Variants in OSBPL6 observed in about 807,000 individuals in gnomAD.
OSBPL6 encodes the protein oxysterol binding protein like 6.
A neutral mutation model predicts 125.8 loss-of-function variants in OSBPL6; 49 were observed. That is an observed-to-expected ratio of 0.39 (90% confidence interval 0.31 to 0.49). OSBPL6 has a LOEUF of 0.49. Ranked by LOEUF, OSBPL6 falls within the 20% of genes least tolerant of loss-of-function variation. The pLI is 0.88. For synonymous variants in OSBPL6, 394 were observed against 391.8 expected (o/e 1.01, Z -0.07); for missense variants, 986 against 1,135.4 (o/e 0.87, Z 1.89).
At chr2:178,346,060 G>A (rs1690682101) in intron 11 of OSBPL6, among the ~76,000 whole-genome samples, 1 of 151,736 alleles carries the variant, frequency 6.6e-6, no homozygotes, top group African/African-American at 2.4e-5. Context: ...ATAACTAGGG[G>A]GACTGGCTAC....
intron 3 of OSBPL6, among the ~76,000 whole-genome samples, chr2:178,311,561 C>T (rs1244248089): frequency 4.6e-5 from 7 of 152,152 alleles, no homozygotes; most frequent in Non-Finnish European, 7.3e-5. Flanking sequence ...CCTTGTACAG[C>T]GCCTCACATT....
In OSBPL6 at chr2:178,374,026, A is replaced by G. The variant is rs923515260; in HGVS notation, c.1532A>G (p.Glu511Gly). 6 of 1,613,782 alleles carry G rather than the reference A, an allele frequency of 3.7e-6. No individual in the cohort carries two copies. In the African/African-American group the frequency reaches 8.0e-5, roughly 22 times the overall value. Reference sequence around the variant, plus strand: ...CTCTCTGCAAGTTCGTCAGAGAATGAGGTATGTATGCCTCCTTGACTTGTT... The same window carrying G: ...CTCTCTGCAAGTTCGTCAGAGAATGGGGTATGTATGCCTCCTTGACTTGTT... ...VLLSASSSENEASDDESYISD... is the reference protein window; with the variant it reads ...VLLSASSSENGASDDESYISD... Residue 511 changes from glutamate (E) to glycine (G), a missense_variant and splice_region_variant, in exon 15 of 25, where the codon GAG (glutamate) becomes GGG (glycine). Transcript: ENST00000190611.
chr2:178,307,376 A>G (rs2154059963), intron 3 of OSBPL6, among the ~76,000 whole-genome samples: 1 of 152,284 alleles, frequency 6.6e-6, no homozygotes, highest in South Asian at 2.1e-4. Flanking sequence ...GTAAGAATCC[A>G]GGGGTGCTAA....
intron 12 of OSBPL6, among the ~76,000 whole-genome samples, chr2:178,350,641 C>T (rs1250005397): frequency 1.3e-5 from 2 of 152,206 alleles, no homozygotes; most frequent in African/African-American, 4.8e-5. Context: ...TCTCTCTTAC[C>T]TGCCATTTTA....
intron 24 of OSBPL6, among the ~76,000 whole-genome samples, chr2:178,394,707 GGTGGAAACTGGTTCC>G (rs1222214639): frequency 1.3e-5 from 2 of 152,060 alleles, no homozygotes; most frequent in Non-Finnish European, 2.9e-5. Flanking sequence ...TCTTTAGAAT[GGTGGAAACTGGTTCC>G]CACTCCCTTA....
At chr2:178,395,365 G>T in intron 24 of OSBPL6, 86 bp from the exon 25 acceptor site, 1 of 882,632 alleles carries the variant, frequency 1.1e-6, no homozygotes, top group Non-Finnish European at 1.8e-6. Context: ...CTGCTTATAT[G>T]TCCATGTCTA....
At chr2:178,310,480 C>T (rs10170717) in intron 3 of OSBPL6, among the ~76,000 whole-genome samples, 2,894 of 139,544 alleles carry the variant, frequency 0.021, 95 homozygotes, top group African/African-American at 0.074. Context: ...TGCAGTGGCG[C>T]GATCTCGGCT....
chr2:178,204,024 T>TC (rs1267120124), intron 1 of OSBPL6, among the ~76,000 whole-genome samples: 2 of 147,632 alleles, frequency 1.4e-5, no homozygotes, highest in South Asian at 2.1e-4. Flanking sequence ...TTTTTCTTTT[T>TC]CTTTTTTTTT....
At chr2:178,373,355 C>A (rs759103062) in intron 14 of OSBPL6, among the ~76,000 whole-genome samples, 15 of 152,048 alleles carry the variant, frequency 9.9e-5, no homozygotes, top group Non-Finnish European at 1.6e-4. Flanking sequence ...ACTTAAATAG[C>A]TTCCTTGAAA....
At position 178,324,272 on chromosome 2, in the gene OSBPL6, C is replaced by T; in HGVS notation, c.195+3C>T. 1.3e-6 allele frequency: 2 copies of T among 1,559,300 alleles called. No homozygotes were observed. The highest frequency in any genetic ancestry group is 1.7e-6 in the Non-Finnish European group (2 of 1,143,976). ...CGGAGCCAGTCCCCCTCTCCAAGGT[C>T]AGTGATGAAATGCGGTGCTTTCTCT... On this transcript the variant is annotated splice_donor_region_variant and intron_variant, in intron 4 of 24. Transcript: ENST00000190611.
At chr2:178,294,326 A>C (rs1685538720) in intron 2 of OSBPL6, among the ~76,000 whole-genome samples, 1 of 152,216 alleles carries the variant, frequency 6.6e-6, no homozygotes, top group African/African-American at 2.4e-5. Context: ...AGAATCTAAA[A>C]AATATTTTGA....
At chr2:178,280,568 C>G (rs57680414) in intron 1 of OSBPL6, among the ~76,000 whole-genome samples, 3,196 of 152,294 alleles carry the variant, frequency 0.021, 100 homozygotes, top group African/African-American at 0.072. Context: ...CAAGCCAAAA[C>G]CTCTGTTCTT....
intron 1 of OSBPL6, among the ~76,000 whole-genome samples, chr2:178,204,612 A>C (rs1398011369): frequency 6.6e-6 from 1 of 152,108 alleles, no homozygotes; most frequent in East Asian, 1.9e-4. Context: ...TGTTTTGTCC[A>C]CTTCTTGGTT....
At chr2:178,266,336 C>T (rs557757007) in intron 1 of OSBPL6, among the ~76,000 whole-genome samples, 7 of 152,302 alleles carry the variant, frequency 4.6e-5, no homozygotes, top group African/African-American at 1.2e-4. Flanking sequence ...TAGAGTATGA[C>T]TTACAGTGAT....
intron 1 of OSBPL6, among the ~76,000 whole-genome samples, chr2:178,202,622 GA>G (rs2089314438): frequency 6.6e-6 from 1 of 152,048 alleles, no homozygotes; most frequent in Non-Finnish European, 1.5e-5. Context: ...AGGAGTACGA[GA>G]CCAGCCTGGC....
At chr2:178,308,074 G>A (rs1161481198) in intron 3 of OSBPL6, among the ~76,000 whole-genome samples, 2 of 152,112 alleles carry the variant, frequency 1.3e-5, no homozygotes, top group Non-Finnish European at 2.9e-5. Flanking sequence ...CTTTTCAAAG[G>A]GTTATTATTC....
intron 9 of OSBPL6, among the ~76,000 whole-genome samples, chr2:178,338,560 C>T (rs1395148973): frequency 2.6e-5 from 4 of 152,122 alleles, no homozygotes; most frequent in Non-Finnish European, 4.4e-5. Context: ...ATTCTGTATT[C>T]CGTCCTATTT....
chr2:178,226,580 A>G (rs1267449485), intron 1 of OSBPL6, among the ~76,000 whole-genome samples: 1 of 152,252 alleles, frequency 6.6e-6, no homozygotes, highest in African/African-American at 2.4e-5. Flanking sequence ...AGCTGGAGAC[A>G]TGCTCACATG....
chr2:178,387,158 CCTTT>C lies in OSBPL6; in HGVS notation c.2156+20_2156+23del, dbSNP rs1695015342. On this transcript the variant is annotated intron_variant, in intron 20 of 24. Transcript: ENST00000190611. ...TTCCAAAGTAGGTGACTCACACCTC[CCTTT>C]TGGCCTCTTGTCTGCTTTTCTAAAT... 6.4e-7 allele frequency: 1 copy of C among 1,565,980 alleles called. No individual in the cohort carries two copies. Among genetic ancestry groups the C allele is most frequent in the African/African-American group, 1.4e-5 (1 of 73,730 alleles).
Sources: gnomAD v4.1 joint callset for allele counts (sites outside exome capture counted in the v4.1 genomes callset) on GRCh38, gnomAD v4.1.1 for gene constraint, MANE v1.5 for transcripts, NCBI Gene and HGNC (gene_info 2026-07-23, HGNC 2026-07-21) for gene names.